FANCI: variants seen among roughly 807,000 people sequenced by gnomAD.
FANCI encodes FA complementation group I.
A neutral mutation model predicts 176.1 loss-of-function variants in FANCI; 156 were observed. That is an observed-to-expected ratio of 0.89 (90% confidence interval 0.78 to 1.01). The LOEUF is 1.01. FANCI is among the 50% of genes least tolerant of loss of function. FANCI has a pLI of 0.00. For synonymous variants in FANCI, 613 were observed against 541.7 expected (o/e 1.13, Z -1.83); for missense variants, 1,678 against 1,534.1 (o/e 1.09, Z -1.57).
intron 1 of FANCI, among the ~76,000 whole-genome samples, chr15:89,247,338 T>G (rs1006467098): frequency 6.6e-5 from 10 of 152,132 alleles, no homozygotes; most frequent in Non-Finnish European, 1.0e-4. Context: ...GTATGGTGAG[T>G]AGATGGTAAC....
At chr15:89,311,961 AC>A (rs896145297) in intron 34 of FANCI, among the ~76,000 whole-genome samples, 22 of 152,092 alleles carry the variant, frequency 1.4e-4, no homozygotes, top group African/African-American at 4.8e-4. Context: ...TCAGAATCTT[AC>A]ACTTTTTGGT....
intron 3 of FANCI, among the ~76,000 whole-genome samples, chr15:89,260,463 T>A (rs138549248): frequency 2.0e-5 from 3 of 152,226 alleles, no homozygotes; most frequent in Non-Finnish European, 4.4e-5. Context: ...TAAGACCTAT[T>A]AGAAGGTTAC....
rs1284415359 is a variant in FANCI at position 89,247,716 on chromosome 15, C to T, written c.69C>T (p.Thr23=). ...TADKLQEFLQ[T]LREGDLTNLL... is the part of the protein sequence containing the mutation. ...ACAAACTGCAAGAATTTCTTCAAAC[C>T]CTGAGAGAAGGTGATGTGAGTATTA... The change falls in exon 2 of 38, where the codon ACC becomes ACT. Residue 23 remains threonine (T), a synonymous_variant. Transcript: ENST00000310775. 1 of 1,613,616 alleles carries T rather than the reference C, an allele frequency of 6.2e-7. No homozygotes were observed. The highest frequency in any genetic ancestry group is 8.5e-7 in the Non-Finnish European group (1 of 1,179,844).
chr15:89,263,535 AAC>A, intron 7 of FANCI, 75 bp downstream of exon 7: 3 of 1,201,396 alleles, frequency 2.5e-6, no homozygotes, highest in Middle Eastern at 1.9e-4. Context: ...AACTATAGCA[AAC>A]GTAAACATCA....
intron 10 of FANCI, among the ~76,000 whole-genome samples, chr15:89,269,316 A>C (rs1596260117): frequency 6.6e-6 from 1 of 152,348 alleles, no homozygotes; most frequent in African/African-American, 2.4e-5. Flanking sequence ...ACATCTAAGA[A>C]AATTAACAAT....
intron 16 of FANCI, chr15:89,282,657 G>A (rs1212326690): frequency 4.6e-6 from 1 of 219,552 alleles, no homozygotes; most frequent in Non-Finnish European, 9.2e-6. Flanking sequence ...GAGATATTAC[G>A]TTGTAACATC....
At chr15:89,282,863 GTCT>G in intron 16 of FANCI, 1 of 439,346 alleles carries the variant, frequency 2.3e-6, no homozygotes, top group Non-Finnish European at 4.2e-6. Context: ...TCTCTCAGCA[GTCT>G]TCTTATTCCT....
In FANCI at chr15:89,301,421, A is replaced by G. The variant is rs750842795; in HGVS notation, c.2985A>G (p.Leu995=). 6 of 1,613,636 alleles carry G rather than the reference A, an allele frequency of 3.7e-6. No individual in the cohort carries two copies. The East Asian group carries it at 1.3e-4, about 36-fold the overall frequency. ...CGGTTCTTACCAGTTTGTCCAAGTT[A>G]CTGGAGCCCTCCTCTCCTCAGGTAC... is the stretch of plus-strand genomic sequence containing the variant. ...LVTVLTSLSK[L]LEPSSPQFVQ... Residue 995 remains leucine (L), a synonymous_variant, in exon 27 of 38, where the codon TTA becomes TTG. Coordinates refer to ENST00000310775, the MANE Select transcript of FANCI (RefSeq NM_001113378.2).
intron 1 of FANCI, 152 bp downstream of exon 1, chr15:89,244,185 C>G (rs1283769642): frequency 6.5e-6 from 1 of 152,910 alleles, no homozygotes; most frequent in Non-Finnish European, 1.5e-5. Context: ...GCGCGCTCCG[C>G]TGTCTCCCGC....
intron 35 of FANCI, 105 bp from the exon 36 acceptor site, chr15:89,314,507 A>C: frequency 2.3e-6 from 2 of 851,698 alleles, no homozygotes; most frequent in Non-Finnish European, 4.0e-6. Context: ...TGGGAGACAG[A>C]CTAGTTTTCC....
At position 89,278,766 on chromosome 15, in the gene FANCI, A is replaced by G. The variant is rs2053499876; in HGVS notation, c.1373A>G (p.His458Arg). ...ACCAGAGCATCTTCTCCCATCAGTC[A>G]TTTCTTAGGTATTCAACTTTGAAAG... is the stretch of plus-strand genomic sequence containing the variant. ...VVTRASSPISHFLDLLSNIVM... is the reference protein window; with the variant it reads ...VVTRASSPISRFLDLLSNIVM... Residue 458 changes from histidine (H) to arginine (R), a missense_variant, in exon 14 of 38, where the codon CAT (histidine) becomes CGT (arginine). By Grantham distance (29) the His-to-Arg change is conservative. Around this residue, in one of 3 missense-constraint regions of FANCI, gnomAD observed 1,204 missense variants for 1,077.4 expected, o/e 1.12. Coordinates refer to ENST00000310775, the MANE Select transcript of FANCI (RefSeq NM_001113378.2). 6.2e-7 allele frequency: 1 copy of G among 1,612,172 alleles called. No individual in the cohort carries two copies.
At chr15:89,275,257 A>T (rs2053368157) in intron 12 of FANCI, among the ~76,000 whole-genome samples, 1 of 151,992 alleles carries the variant, frequency 6.6e-6, no homozygotes, top group African/African-American at 2.4e-5. Context: ...AGTGAGTAAA[A>T]AACATTAAGA....
At chr15:89,283,322 T>A in intron 17 of FANCI, 72 bp downstream of exon 17, 1 of 1,604,466 alleles carries the variant, frequency 6.2e-7, no homozygotes, top group Admixed American at 1.7e-5. Context: ...CACGCTGTTT[T>A]CTTTTATTCC....
chr15:89,286,184 G>T (rs1337806284), intron 18 of FANCI, among the ~76,000 whole-genome samples: 2 of 152,032 alleles, frequency 1.3e-5, no homozygotes, highest in Non-Finnish European at 2.9e-5. Flanking sequence ...GTAGAGATGG[G>T]ATTTCACCAT....
chr15:89,297,802 T>C, intron 24 of FANCI, among the ~76,000 whole-genome samples: 1 of 150,140 alleles, frequency 6.7e-6, no homozygotes, highest in Non-Finnish European at 1.5e-5. Context: ...GCTCGTTTGT[T>C]TTTTTGTTTT....
intron 12 of FANCI, among the ~76,000 whole-genome samples, chr15:89,275,922 C>G (rs920827125): frequency 1.3e-5 from 2 of 152,136 alleles, no homozygotes; most frequent in Non-Finnish European, 2.9e-5. Flanking sequence ...CATGCTTGCC[C>G]CAGTCAGTTA....
intron 9 of FANCI, 106 bp from the exon 10 acceptor site, chr15:89,268,293 A>G (rs1596257954): frequency 6.7e-6 from 8 of 1,192,888 alleles, no homozygotes; most frequent in Non-Finnish European, 9.9e-6. Context: ...CTGGTCTTGA[A>G]CTCCTGGGAT....
rs1403024335 is a variant in FANCI, at chr15:89,283,234, C to G, written c.1682C>G (p.Ser561Cys). ...CTGTCATCCTCTCAGTGCAGTCAGT[C>G]TCTCAGTGTCAGTCAGGTAAGGATT... Reference protein sequence around the residue: ...GSLSSSQCSQSLSVSQVHVDV... With the variant: ...GSLSSSQCSQCLSVSQVHVDV... Residue 561 changes from serine (S) to cysteine (C), a missense_variant, in exon 17 of 38, where the codon TCT (serine) becomes TGT (cysteine). Ser to Cys is a moderately radical substitution (Grantham distance 112). Transcript: ENST00000310775. 6.2e-7 allele frequency: 1 copy of G among 1,613,900 alleles called. No individual in the cohort carries two copies. The highest frequency in any genetic ancestry group is 1.1e-5 in the South Asian group (1 of 91,078).
intron 28 of FANCI, among the ~76,000 whole-genome samples, chr15:89,304,174 C>T (rs779993118): frequency 3.3e-5 from 5 of 152,166 alleles, no homozygotes; most frequent in Non-Finnish European, 7.3e-5. Context: ...AAACATATGC[C>T]TATGACTCAA....
Sources: gnomAD v4.1 joint callset for allele counts (sites outside exome capture counted in the v4.1 genomes callset) on GRCh38, gnomAD v4.1.1 for gene constraint, gnomAD v4.1.1 regional missense constraint, MANE v1.5 for transcripts, NCBI Gene and HGNC (gene_info 2026-07-23, HGNC 2026-07-21) for gene names.